Variants in GRID2 observed in about 807,000 individuals in gnomAD.
GRID2 encodes glutamate receptor ionotropic, delta-2.
Under a neutral mutation model 114.8 loss-of-function variants are expected in GRID2, and 33 were observed. The observed-to-expected ratio is 0.29, with a 90% CI of 0.22 to 0.38. GRID2 has a LOEUF of 0.38. Among genes scored for constraint, GRID2 ranks in the 10% least tolerant of loss-of-function variants. GRID2 has a pLI of 1.00. For missense variants in GRID2, 1,184 were observed against 1,257.7 expected (o/e 0.94, Z 0.89); for synonymous variants, 505 against 449.9 (o/e 1.12, Z -1.55).
chr4:93,597,272 T>C (rs1229387185), intron 13 of GRID2, among the ~76,000 whole-genome samples: 1 of 152,230 alleles, frequency 6.6e-6, no homozygotes, highest in African/African-American at 2.4e-5. Context: ...TTTCCTCATG[T>C]GATAGTAACT....
At chr4:92,847,336 C>G (rs1743402040) in intron 2 of GRID2, among the ~76,000 whole-genome samples, 1 of 152,000 alleles carries the variant, frequency 6.6e-6, no homozygotes, top group Non-Finnish European at 1.5e-5. Flanking sequence ...CTCAGTCTTT[C>G]ACAAATACTC....
intron 2 of GRID2, among the ~76,000 whole-genome samples, chr4:93,040,518 T>A (rs1043044769): frequency 9.2e-5 from 14 of 152,154 alleles, no homozygotes; most frequent in Middle Eastern, 3.2e-3. Flanking sequence ...CACAATAATG[T>A]AAAGGGTATG....
intron 1 of GRID2, among the ~76,000 whole-genome samples, chr4:92,409,429 G>C (rs1407310380): frequency 6.6e-6 from 1 of 152,094 alleles, no homozygotes; most frequent in African/African-American, 2.4e-5. Flanking sequence ...GTTTTGTGTG[G>C]ATAGAGTATT....
chr4:92,530,728 C>CGT (rs1725305016), intron 1 of GRID2, among the ~76,000 whole-genome samples: 1 of 132,130 alleles, frequency 7.6e-6, no homozygotes. Context: ...AGTGAAACCC[C>CGT]CTCTACTAAA....
intron 10 of GRID2, among the ~76,000 whole-genome samples, chr4:93,442,765 C>T (rs941418759): frequency 1.3e-5 from 2 of 152,000 alleles, no homozygotes; most frequent in African/African-American, 2.4e-5. Context: ...TTCTTTAACC[C>T]AGACCTCTCA....
At chr4:93,089,699 G>A (rs1406544139) in intron 3 of GRID2, among the ~76,000 whole-genome samples, 2 of 152,120 alleles carry the variant, frequency 1.3e-5, no homozygotes, top group African/African-American at 2.4e-5. Context: ...CTTTTGTGAT[G>A]TAATGCTGTC....
intron 1 of GRID2, among the ~76,000 whole-genome samples, chr4:92,443,306 A>G (rs967448249): frequency 5.3e-5 from 8 of 152,140 alleles, no homozygotes; most frequent in African/African-American, 1.4e-4. Flanking sequence ...TGGAGTTTGT[A>G]TTGGGGTCAA....
At chr4:93,039,236 C>T (rs1233033427) in intron 2 of GRID2, among the ~76,000 whole-genome samples, 1 of 150,914 alleles carries the variant, frequency 6.6e-6, no homozygotes, top group South Asian at 2.1e-4. Flanking sequence ...CCAAACACCG[C>T]ATGTTGTCAC....
intron 1 of GRID2, among the ~76,000 whole-genome samples, chr4:92,451,129 G>A (rs912915800): frequency 2.6e-5 from 4 of 151,948 alleles, no homozygotes; most frequent in Non-Finnish European, 5.9e-5. Context: ...CTTATTTATG[G>A]GAATTAGAGA....
chr4:92,803,513 A>G (rs143760233), intron 2 of GRID2, among the ~76,000 whole-genome samples: 31 of 152,120 alleles, frequency 2.0e-4, no homozygotes, highest in Non-Finnish European at 4.0e-4. Context: ...TAGGTAGCCC[A>G]TATGTCATTA....
Position 93,788,433 on chromosome 4 carries a change from T to G in GRID2, c.222-18282T>G, listed in dbSNP as rs374949590. Among the ~76,000 whole-genome samples the G allele has an allele frequency of 2.6e-5, 4 of 152,210 alleles. No homozygotes were observed. The East Asian group carries it at 5.8e-4, about 22-fold the overall frequency. On this transcript the variant is annotated intron_variant, in intron 1 of 1. Coordinates refer to the GRID2 transcript ENST00000637838. Reference sequence around the variant, plus strand: ...TCTCAACACATACATACAAAAAAGATAAGTATGAATATCTTAATTAGCTTA... The same window carrying G: ...TCTCAACACATACATACAAAAAAGAGAAGTATGAATATCTTAATTAGCTTA...
chr4:92,900,162 G>A (rs766686685), intron 2 of GRID2, among the ~76,000 whole-genome samples: 2 of 152,196 alleles, frequency 1.3e-5, no homozygotes, highest in Non-Finnish European at 2.9e-5. Context: ...AACTCTAACA[G>A]ACTCTGAGTG....
At chr4:92,414,803 A>T (rs1018907005) in intron 1 of GRID2, among the ~76,000 whole-genome samples, 3 of 152,106 alleles carry the variant, frequency 2.0e-5, no homozygotes, top group Admixed American at 2.0e-4. Context: ...ATTGTTTATT[A>T]TAGGGTTAGA....
intron 8 of GRID2, among the ~76,000 whole-genome samples, chr4:93,320,979 G>T (rs1757147308): frequency 6.6e-6 from 1 of 152,006 alleles, no homozygotes; most frequent in African/African-American, 2.4e-5. Flanking sequence ...AAGGAAAGAT[G>T]ATTTTGCAGA....
intron 2 of GRID2, among the ~76,000 whole-genome samples, chr4:92,826,392 T>C (rs916397889): frequency 6.6e-6 from 1 of 152,132 alleles, no homozygotes; most frequent in Non-Finnish European, 1.5e-5. Context: ...CAGCAATCCC[T>C]AACACACCAT....
At chr4:92,384,091 G>A (rs1436916856) in intron 1 of GRID2, among the ~76,000 whole-genome samples, 1 of 151,574 alleles carries the variant, frequency 6.6e-6, no homozygotes, top group African/African-American at 2.4e-5. Context: ...TAGCTATGAA[G>A]AATAAAGAAA....
intron 2 of GRID2, among the ~76,000 whole-genome samples, chr4:92,646,491 G>A (rs1168750137): frequency 7.3e-5 from 11 of 151,656 alleles, no homozygotes; most frequent in African/African-American, 2.7e-4. Context: ...AAAAAAACTT[G>A]TTCACTCTGA....
At chr4:93,322,540 A>G (rs1560497653) in intron 8 of GRID2, among the ~76,000 whole-genome samples, 1 of 152,182 alleles carries the variant, frequency 6.6e-6, no homozygotes, top group African/African-American at 2.4e-5. Flanking sequence ...AGCATGATTT[A>G]TAATCCTTTG....
rs377431699 is a variant in GRID2 at position 92,967,234 on chromosome 4, C to T, written c.245-117761C>T. ...GGATTCATTGAGCAAACTAATTAAG[C>T]ATGGTTCACCATTTGCTGGATTGAT... On this transcript the variant is annotated intron_variant, in intron 2 of 15. Transcript: ENST00000282020. Among the ~76,000 whole-genome samples, 7 of 152,044 alleles carry T rather than the reference C, an allele frequency of 4.6e-5. No homozygotes were observed. The East Asian group carries it at 1.4e-3, about 30-fold the overall frequency.
Sources: allele counts gnomAD v4.1 joint callset (sites outside exome capture counted in the v4.1 genomes callset), GRCh38; gene constraint gnomAD v4.1.1; transcripts MANE v1.5; gene names NCBI Gene and HGNC (gene_info 2026-07-23, HGNC 2026-07-21).